NUP133: variants seen among roughly 807,000 people sequenced by gnomAD.
NUP133 encodes the protein nuclear pore complex protein Nup133.
In NUP133, 66 loss-of-function variants were observed where a neutral mutation model predicts 146.2. The ratio of observed to expected loss-of-function variants is 0.45; its 90% CI spans 0.37 to 0.55. The LOEUF (loss-of-function observed/expected upper bound fraction) is 0.55. NUP133 is among the 20% of genes least tolerant of loss of function. The probability of loss-of-function intolerance (pLI) is 0.00; values close to 1 mark genes in which losing one functional copy is unlikely to be tolerated. For synonymous variants in NUP133, 521 were observed against 498.8 expected (o/e 1.04, Z -0.59); for missense variants, 1,277 against 1,374.8 (o/e 0.93, Z 1.12).
chr1:229,477,850 GC>G (rs1661115101), intron 12 of NUP133, 90 bp from the exon 13 acceptor site: 6 of 957,084 alleles, frequency 6.3e-6, no homozygotes, highest in Non-Finnish European at 9.1e-6. Context: ...CTACTATTCA[GC>G]CAAAAAAAAG....
At chr1:229,468,871 T>G (rs1245079898) in intron 15 of NUP133, among the ~76,000 whole-genome samples, 1 of 152,158 alleles carries the variant, frequency 6.6e-6, no homozygotes, top group African/African-American at 2.4e-5. Flanking sequence ...ACTGTCTAGA[T>G]TAAAAACAAA....
Position 229,475,254 on chromosome 1 carries a change from T to G in NUP133, c.1851+384A>C, listed in dbSNP as rs183088417. ...ACAATTCTGTCCAGTAGCAAAACAT[T>G]TTCTAATTTAGGCACAATATATGTG... is the stretch of plus-strand genomic sequence containing the variant. On this transcript the variant is annotated intron_variant, in intron 14 of 25. Transcript: ENST00000261396. Among the ~76,000 whole-genome samples the G allele has an allele frequency of 8.8e-4, 134 of 152,308 alleles. 1 individual carries two copies. Among genetic ancestry groups the G allele is most frequent in the African/African-American group, 3.2e-3 (133 of 41,554 alleles).
Position 229,465,459 on chromosome 1 carries a change from C to G in NUP133, c.2260G>C (p.Glu754Gln). Residue 754 changes from glutamate (E) to glutamine (Q), a missense_variant, in exon 17 of 26, where the codon GAA becomes CAA. Glu to Gln is a conservative substitution (Grantham distance 29, BLOSUM62 2). Around this residue, in one of 3 missense-constraint regions of NUP133, gnomAD observed 952 missense variants for 1,047.0 expected, o/e 0.91. Coordinates refer to ENST00000261396, the MANE Select transcript of NUP133 (RefSeq NM_018230.3). ...TATTCAGGTTCTTTTTCTAGTGATT[C>G]TTCTCTTCTATACAAAGAGTTTCTA... ...QNRNSLYRRE[E>Q]SLEKEPEYVP... is the part of the protein sequence containing the mutation. The G allele has an allele frequency of 3.7e-6, 6 of 1,613,832 alleles. No individual in the cohort carries two copies. The highest frequency in any genetic ancestry group is 4.2e-6 in the Non-Finnish European group (5 of 1,179,800).
chr1:229,467,797 C>A (rs531778828), intron 15 of NUP133, among the ~76,000 whole-genome samples: 1 of 151,894 alleles, frequency 6.6e-6, no homozygotes, highest in African/African-American at 2.4e-5. Context: ...TCGTGGCGTG[C>A]ACCTGGAGTC....
chr1:229,441,977 C>A lies in NUP133; in HGVS notation c.3398G>T (p.Ser1133Ile), dbSNP rs181460198. Reference sequence around the variant, plus strand: ...CTCGAAGTAAGGATTGGACTTTAAGCTTCCAAGCTGATCCGCTTGTAGCAG... The same window carrying A: ...CTCGAAGTAAGGATTGGACTTTAAGATTCCAAGCTGATCCGCTTGTAGCAG... ...KDLLQADQLG[S>I]LKSNPYFEFV... The change falls in exon 26 of 26, where the codon AGC becomes ATC. Residue 1133 changes from serine (S) to isoleucine (I), a missense_variant. By Grantham distance (142) the Ser-to-Ile change is moderately radical. Coordinates refer to ENST00000261396, the MANE Select transcript of NUP133 (RefSeq NM_018230.3). 2 of 1,594,242 alleles carry A rather than the reference C, an allele frequency of 1.3e-6. No individual in the cohort carries two copies. Among genetic ancestry groups the A allele is most frequent in the Admixed American group, 3.7e-5 (2 of 53,576 alleles).
intron 4 of NUP133, 92 bp downstream of exon 4, chr1:229,500,664 G>A: frequency 1.4e-6 from 1 of 717,680 alleles, no homozygotes. Flanking sequence ...TAGGTTTATA[G>A]TTATATCTCA....
intron 15 of NUP133, among the ~76,000 whole-genome samples, chr1:229,467,185 G>C (rs1442082411): frequency 6.6e-6 from 1 of 152,154 alleles, no homozygotes; most frequent in Non-Finnish European, 1.5e-5. Context: ...AGACATAACA[G>C]AAACATTTGT....
intron 17 of NUP133, 137 bp from the exon 18 acceptor site, chr1:229,465,012 C>T: frequency 1.0e-6 from 1 of 979,290 alleles, no homozygotes; most frequent in South Asian, 1.6e-5. Context: ...TGATACCTGT[C>T]AATGCCCTGC....
chr1:229,475,817 T>C, intron 13 of NUP133, 85 bp from the exon 14 acceptor site: 1 of 1,158,538 alleles, frequency 8.6e-7, no homozygotes, highest in Non-Finnish European at 1.3e-6. Flanking sequence ...GCTATTAAAA[T>C]AAAAAGCTAA....
chr1:229,487,428 G>A (rs770744010), intron 10 of NUP133, 38 bp downstream of exon 10: 1 of 1,591,310 alleles, frequency 6.3e-7, no homozygotes, highest in South Asian at 1.2e-5. Context: ...AATGACTAAT[G>A]AGCTCACCAA....
In NUP133 at chr1:229,506,111, A is replaced by C; in HGVS notation, c.230T>G (p.Val77Gly). Residue 77 changes from valine to glycine, a missense_variant, in exon 2 of 26, where the codon GTG (valine) becomes GGG (glycine). Around this residue, in one of 3 missense-constraint regions of NUP133, gnomAD observed 319 missense variants for 306.9 expected, o/e 1.04. Transcript: ENST00000261396. ...TCCAAACGTTTTCACATCATAGTTC[A>C]CAGACTCAGTTATGGAGTGGTGTGG... is the stretch of plus-strand genomic sequence containing the variant. ...MFPHHSITESVNYDVKTFGSS... is the reference protein window; with the variant it reads ...MFPHHSITESGNYDVKTFGSS... 6.2e-7 allele frequency: 1 copy of C among 1,613,596 alleles called. No individual in the cohort carries two copies. The highest frequency in any genetic ancestry group is 8.5e-7 in the Non-Finnish European group (1 of 1,179,586).
chr1:229,443,891 ACT>A (rs1212167217), intron 25 of NUP133, among the ~76,000 whole-genome samples: 4 of 138,306 alleles, frequency 2.9e-5, no homozygotes, highest in Non-Finnish European at 3.1e-5. Flanking sequence ...CCTGTGCTCA[ACT>A]CTTTTTTTTT....
At chr1:229,475,985 G>A (rs1348627158) in intron 13 of NUP133, among the ~76,000 whole-genome samples, 1 of 152,104 alleles carries the variant, frequency 6.6e-6, no homozygotes, top group Non-Finnish European at 1.5e-5. Context: ...GCGCATGCCT[G>A]TAGTCCCAGC....
chr1:229,450,683 CATT>C lies in NUP133; in HGVS notation c.3100-81_3100-79del, dbSNP rs1454962820. 20 of 659,916 alleles carry C rather than the reference CATT, an allele frequency of 3.0e-5. No homozygotes were observed. In the Admixed American group the frequency reaches 6.0e-4, roughly 20 times the overall value. The allele number at this position is 659,916 out of a possible 1,614,324, so 40.9% of individuals were successfully genotyped here. A position where few individuals can be genotyped will look rare whatever the true frequency, so the allele number is the denominator to read the frequency against. On this transcript the variant is annotated intron_variant, in intron 22 of 25. Coordinates refer to ENST00000261396, the MANE Select transcript of NUP133 (RefSeq NM_018230.3). ...AGAGACATTTATGGAGAAAAGAAGT[CATT>C]ATGTCTTGTAAGGAAGTTGTAGTTT...
chr1:229,480,404 T>C (rs1050840267), intron 12 of NUP133, among the ~76,000 whole-genome samples: 2 of 152,186 alleles, frequency 1.3e-5, no homozygotes, highest in Admixed American at 1.3e-4. Context: ...CAAAGGTGAC[T>C]ATGGCAAGAT....
intron 14 of NUP133, among the ~76,000 whole-genome samples, chr1:229,473,115 G>A (rs541784943): frequency 6.6e-6 from 1 of 152,114 alleles, no homozygotes; most frequent in South Asian, 2.1e-4. Flanking sequence ...AGCCGGGCGT[G>A]GTAGTGAGTG....
intron 1 of NUP133, 114 bp downstream of exon 1, chr1:229,507,954 T>C (rs867013950): frequency 2.3e-6 from 3 of 1,293,774 alleles, no homozygotes; most frequent in Non-Finnish European, 3.0e-6. Flanking sequence ...TCCAATACTG[T>C]GGCATTCTAT....
intron 5 of NUP133, among the ~76,000 whole-genome samples, chr1:229,498,998 A>C (rs1322155947): frequency 2.0e-5 from 3 of 152,150 alleles, no homozygotes; most frequent in Non-Finnish European, 4.4e-5. Context: ...TCCTGGGCTC[A>C]AGAGATCCTC....
intron 12 of NUP133, among the ~76,000 whole-genome samples, chr1:229,479,535 C>T (rs1414037906): frequency 6.6e-6 from 1 of 151,994 alleles, no homozygotes; most frequent in East Asian, 1.9e-4. Flanking sequence ...AAGACATATC[C>T]CCCTGTGGGT....
Sources: allele counts gnomAD v4.1 joint callset (sites outside exome capture counted in the v4.1 genomes callset), GRCh38; gene constraint gnomAD v4.1.1; regional missense constraint gnomAD v4.1.1; transcripts MANE v1.5; gene names NCBI Gene and HGNC (gene_info 2026-07-23, HGNC 2026-07-21).